Variants in DNAH8 observed in about 807,000 individuals in gnomAD.
DNAH8 encodes the protein axonemal beta dynein heavy chain 8.
DNAH8 carries 382 observed loss-of-function variants against 562.1 expected under a neutral mutation model. The ratio of observed to expected loss-of-function variants is 0.68; its 90% confidence interval spans 0.63 to 0.74. DNAH8 has a LOEUF of 0.74. Ranked by LOEUF, DNAH8 falls within the 30% of genes least tolerant of loss-of-function variation. DNAH8 has a pLI of 0.00. For synonymous variants in DNAH8, 1,881 were observed against 1,919.4 expected (o/e 0.98, Z 0.52); for missense variants, 5,203 against 5,620.4 (o/e 0.93, Z 2.37).
At chr6:38,743,113 G>C (rs117582970) in intron 8 of DNAH8, among the ~76,000 whole-genome samples, 2,225 of 146,700 alleles carry the variant, frequency 0.015, 43 homozygotes, top group South Asian at 0.11. Flanking sequence ...AACCTTCCAG[G>C]CTTAAGCCAT....
Position 38,823,727 on chromosome 6 carries a change from T to G in DNAH8, c.3847+39T>G, listed in dbSNP as rs1392507659. ...GTTTATTATGTAAAGTATCTGTACT[T>G]TCACATGAAGTGTTACTTTATTTAG... On this transcript the variant is annotated intron_variant, in intron 28 of 92. Transcript: ENST00000327475. 4.1e-6 allele frequency: 6 copies of G among 1,476,182 alleles called. No individual in the cohort carries two copies. The African/African-American group carries it at 5.6e-5, about 14-fold the overall frequency. 91.4% of individuals were successfully genotyped at this position (1,476,182 alleles called of 1,614,324 possible). A position where few individuals can be genotyped will look rare whatever the true frequency, so the allele number is the denominator to read the frequency against.
intron 88 of DNAH8, among the ~76,000 whole-genome samples, chr6:39,004,815 TTAACA>T (rs1383909472): frequency 2.6e-5 from 4 of 152,260 alleles, no homozygotes; most frequent in African/African-American, 9.6e-5. Flanking sequence ...ATTCTTTCAC[TTAACA>T]TAATGTTTTT....
At chr6:38,913,364 C>G (rs569247819) in intron 66 of DNAH8, among the ~76,000 whole-genome samples, 2 of 152,318 alleles carry the variant, frequency 1.3e-5, no homozygotes, top group East Asian at 3.9e-4. Flanking sequence ...AGTTCTTTTT[C>G]TCTACGGTGC....
At chr6:38,928,327 T>A (rs75877699) in intron 74 of DNAH8, among the ~76,000 whole-genome samples, 1,959 of 152,312 alleles carry the variant, frequency 0.013, 36 homozygotes, top group Middle Eastern at 0.037. Context: ...TTGGGAAAGA[T>A]ATCACAAAAA....
At chr6:38,995,918 T>C (rs1365473065) in intron 88 of DNAH8, among the ~76,000 whole-genome samples, 5 of 152,180 alleles carry the variant, frequency 3.3e-5, no homozygotes, top group Non-Finnish European at 5.9e-5. Context: ...TGCCAACACA[T>C]CCCAGAGAAA....
At chr6:38,780,388 G>A (rs754069317) in intron 15 of DNAH8, among the ~76,000 whole-genome samples, 13 of 152,080 alleles carry the variant, frequency 8.5e-5, no homozygotes, top group African/African-American at 1.2e-4. Context: ...ACACATGCAC[G>A]CATATGTTCA....
intron 72 of DNAH8, chr6:38,923,546 G>A (rs1407471869): frequency 5.7e-6 from 1 of 175,012 alleles, no homozygotes; most frequent in African/African-American, 2.4e-5. Context: ...TTCTGCTGGT[G>A]TCTGTTGGTG....
At chr6:39,009,096 A>ATT in intron 89 of DNAH8, 126 bp downstream of exon 89, 1 of 617,154 alleles carries the variant, frequency 1.6e-6, no homozygotes, top group East Asian at 2.7e-5. Context: ...TGTGTGAAAA[A>ATT]TTTTGACTAT....
intron 57 of DNAH8, among the ~76,000 whole-genome samples, chr6:38,890,024 A>G (rs1338564936): frequency 1.3e-5 from 2 of 152,274 alleles, no homozygotes; most frequent in South Asian, 2.1e-4. Flanking sequence ...CAGTCTCTAA[A>G]CCTACACCCC....
intron 82 of DNAH8, among the ~76,000 whole-genome samples, chr6:38,960,475 C>T (rs1762541189): frequency 6.7e-6 from 1 of 149,668 alleles, no homozygotes; most frequent in Non-Finnish European, 1.5e-5. Context: ...TCCAAACAGA[C>T]ATTTCTCAAA....
At chr6:38,958,537 G>T (rs994122837) in intron 82 of DNAH8, among the ~76,000 whole-genome samples, 1 of 148,048 alleles carries the variant, frequency 6.8e-6, no homozygotes, top group African/African-American at 2.5e-5. Context: ...AGAATAAATG[G>T]ATAAATTTCT....
chr6:38,762,008 G>A (rs1424635409), intron 11 of DNAH8, among the ~76,000 whole-genome samples: 1 of 152,028 alleles, frequency 6.6e-6, no homozygotes, highest in Non-Finnish European at 1.5e-5. Context: ...TCTCCTCCAT[G>A]GCTGCCTGTG....
At chr6:38,971,695 A>G (rs754030517) in intron 83 of DNAH8, 30 bp downstream of exon 83, 1 of 1,519,588 alleles carries the variant, frequency 6.6e-7, no homozygotes. Context: ...TCCTGCTGCA[A>G]CATTATTGCT....
At chr6:38,937,190 A>G (rs1259933177) in intron 77 of DNAH8, among the ~76,000 whole-genome samples, 1 of 147,556 alleles carries the variant, frequency 6.8e-6, no homozygotes, top group East Asian at 2.0e-4. Flanking sequence ...AACATCACAC[A>G]CTGGGGCCTG....
chr6:38,965,624 A>G (rs963809294), intron 82 of DNAH8, among the ~76,000 whole-genome samples: 1 of 152,238 alleles, frequency 6.6e-6, no homozygotes, highest in Non-Finnish European at 1.5e-5. Flanking sequence ...AATACAAACA[A>G]TTAAAACAAA....
intron 7 of DNAH8, among the ~76,000 whole-genome samples, chr6:38,741,280 G>A (rs974585230): frequency 2.0e-5 from 3 of 152,100 alleles, no homozygotes; most frequent in South Asian, 2.1e-4. Flanking sequence ...GCACTTGCCC[G>A]TAGTCCTAGC....
At chr6:38,930,394 G>A (rs765398214) in intron 75 of DNAH8, among the ~76,000 whole-genome samples, 7 of 151,716 alleles carry the variant, frequency 4.6e-5, no homozygotes, top group African/African-American at 7.3e-5. Context: ...CAGTGAATAA[G>A]TAAAAATGAA....
intron 7 of DNAH8, 91 bp from the exon 8 acceptor site, chr6:38,741,620 T>C (rs563452326): frequency 1.4e-5 from 16 of 1,113,606 alleles, no homozygotes; most frequent in African/African-American, 1.4e-4. Context: ...GAACATTATT[T>C]ATACTTTCAG....
rs531878638 is a variant in DNAH8 at position 38,805,497 on chromosome 6, T to C, written c.3051T>C (p.Val1017=). The change falls in exon 23 of 93, where the codon GTT becomes GTC. Residue 1017 remains valine, a synonymous_variant. Transcript: ENST00000327475. ...VGKQSEQRKH[V]VFGSETGEGE... ...TGTCTATAGAACAGCGGAAACACGT[T>C]GTTTTTGGAAGTGAAACAGGAGAGG... The C allele has an allele frequency of 6.2e-6, 10 of 1,607,912 alleles. No individual in the cohort carries two copies. The South Asian group carries it at 9.9e-5, about 16-fold the overall frequency.
Sources: allele counts gnomAD v4.1 joint callset (sites outside exome capture counted in the v4.1 genomes callset), GRCh38; gene constraint gnomAD v4.1.1; transcripts MANE v1.5; gene names NCBI Gene and HGNC (gene_info 2026-07-23, HGNC 2026-07-21).